Variants in DLD observed in about 807,000 individuals in gnomAD.
DLD encodes the protein dihydrolipoyl dehydrogenase, mitochondrial.
A neutral mutation model predicts 62.2 loss-of-function variants in DLD; 36 were observed. The ratio of observed to expected loss-of-function variants is 0.58; its 90% CI spans 0.44 to 0.76. DLD has a LOEUF of 0.76. Among genes scored for constraint, DLD ranks in the 30% least tolerant of loss-of-function variants. DLD has a pLI of 0.00. For missense variants in DLD, 541 were observed against 608.6 expected, an observed-to-expected ratio of 0.89 and a Z score of 1.17; for synonymous variants, 204 against 199.6, an observed-to-expected ratio of 1.02 and a Z score of -0.19.
chr7:107,905,554 CGTT>C, intron 7 of DLD, 50 bp downstream of exon 7: 2 of 1,567,778 alleles, frequency 1.3e-6, no homozygotes, highest in African/African-American at 1.4e-5. Context: ...TTTAGAAATA[CGTT>C]TTATAAGTTA....
chr7:107,907,658 T>C (rs946492267), intron 8 of DLD, among the ~76,000 whole-genome samples: 1 of 152,234 alleles, frequency 6.6e-6, no homozygotes. Flanking sequence ...CTTGGTTTTG[T>C]GATTTTTATT....
intron 1 of DLD, among the ~76,000 whole-genome samples, chr7:107,892,720 G>A (rs908872534): frequency 1.1e-4 from 16 of 152,128 alleles, no homozygotes; most frequent in African/African-American, 3.9e-4. Flanking sequence ...TAATTTTCTT[G>A]TATTTTTAGT....
At chr7:107,891,148 T>C (rs1357761326), upstream of DLD, 15 of 1,434,126 alleles carry the variant, frequency 1.0e-5, no homozygotes, top group African/African-American at 1.4e-5. Flanking sequence ...GGTGATGACG[T>C]AGGCTGCGCC....
upstream of DLD, chr7:107,891,145 A>T (rs1053058458): frequency 7.1e-7 from 1 of 1,414,342 alleles, no homozygotes; most frequent in African/African-American, 1.4e-5. Context: ...CCGGGTGATG[A>T]CGTAGGCTGC....
chr7:107,894,467 C>G (rs1348781627), intron 2 of DLD, among the ~76,000 whole-genome samples: 1 of 152,106 alleles, frequency 6.6e-6, no homozygotes, highest in African/African-American at 2.4e-5. Flanking sequence ...GTGATTTATT[C>G]TAGCTTTGAA....
At chr7:107,904,559 A>G in intron 5 of DLD, 1 of 387,310 alleles carries the variant, frequency 2.6e-6, no homozygotes, top group Non-Finnish European at 5.0e-6. Context: ...AAATTTTTAA[A>G]CGTGTATTTT....
At chr7:107,903,334 C>A (rs565744123) in intron 4 of DLD, 144 bp from the exon 5 acceptor site, 8 of 554,608 alleles carry the variant, frequency 1.4e-5, no homozygotes, top group Non-Finnish European at 2.0e-5. Flanking sequence ...GCTGAGATGG[C>A]GCCATTGCAC....
At chr7:107,905,558 T>C (rs2031986448) in intron 7 of DLD, 54 bp downstream of exon 7, 6 of 1,554,780 alleles carry the variant, frequency 3.9e-6, no homozygotes, top group Non-Finnish European at 5.3e-6. Flanking sequence ...GAAATACGTT[T>C]TATAAGTTAT....
At chr7:107,916,682 A>G in intron 9 of DLD, 112 bp from the exon 10 acceptor site, 1 of 1,219,826 alleles carries the variant, frequency 8.2e-7, no homozygotes, top group Non-Finnish European at 1.2e-6. Flanking sequence ...AAAACAAAAC[A>G]AAACAAAAAT....
At chr7:107,916,466 A>T (rs1037298353) in intron 9 of DLD, among the ~76,000 whole-genome samples, 1 of 152,146 alleles carries the variant, frequency 6.6e-6, no homozygotes, top group Non-Finnish European at 1.5e-5. Flanking sequence ...TGAAGTCAAG[A>T]GATCAAGACC....
intron 2 of DLD, among the ~76,000 whole-genome samples, chr7:107,898,871 G>A (rs1196743603): frequency 2.6e-5 from 4 of 152,016 alleles, no homozygotes; most frequent in African/African-American, 9.7e-5. Flanking sequence ...CACCACACCC[G>A]GCCCTGATTT....
Position 107,919,226 on chromosome 7 carries a change from T to A in DLD, c.1497T>A (p.Leu499=), listed in dbSNP as rs1241501853. 1 of 1,613,068 alleles carries A rather than the reference T, an allele frequency of 6.2e-7. No individual in the cohort carries two copies. The highest frequency in any genetic ancestry group is 8.5e-7 in the Non-Finnish European group (1 of 1,179,580). Residue 499 remains leucine, a synonymous_variant, in exon 14 of 14, where the codon CTT becomes CTA. Coordinates refer to ENST00000205402, the MANE Select transcript of DLD (RefSeq NM_000108.5). ...TLSEAFREAN[L]AASFGKSINF is the part of the protein sequence containing the mutation. Reference sequence around the variant, plus strand: ...CAGAAGCTTTTAGAGAAGCAAATCTTGCTGCGTCATTTGGCAAATCAATCA... The same window carrying A: ...CAGAAGCTTTTAGAGAAGCAAATCTAGCTGCGTCATTTGGCAAATCAATCA...
intron 8 of DLD, among the ~76,000 whole-genome samples, chr7:107,913,090 G>A (rs981593876): frequency 2.0e-5 from 3 of 152,018 alleles, no homozygotes; most frequent in African/African-American, 7.2e-5. Context: ...TACCTTTGTT[G>A]AAAATGAGTT....
At chr7:107,891,445 T>G in intron 1 of DLD, 156 bp downstream of exon 1, 1 of 820,928 alleles carries the variant, frequency 1.2e-6, no homozygotes, top group African/African-American at 1.7e-5. Context: ...AGCCCGGCCC[T>G]GGGCTCCGAG....
In DLD at chr7:107,900,048, A is replaced by T. The variant is rs1024211673; in HGVS notation, c.119-1690A>T. Among the ~76,000 whole-genome samples, 15 of 152,238 alleles carry T rather than the reference A, an allele frequency of 9.9e-5. No individual in the cohort carries two copies. The South Asian group carries it at 2.3e-3, about 23-fold the overall frequency. On this transcript the variant is annotated intron_variant, in intron 2 of 13. Coordinates refer to ENST00000205402, the MANE Select transcript of DLD (RefSeq NM_000108.5). ...ATCAGTGAACCAAGCAGGGTGGCTA[A>T]AAAGCACAGATGGATCAGTAAAAAT...
intron 2 of DLD, among the ~76,000 whole-genome samples, chr7:107,894,683 C>A (rs1010665398): frequency 8.5e-5 from 13 of 152,140 alleles, no homozygotes; most frequent in African/African-American, 2.9e-4. Flanking sequence ...TATTCAGTGC[C>A]TTCTATTTGC....
At chr7:107,894,123 A>G (rs528431256) in intron 2 of DLD, among the ~76,000 whole-genome samples, 5 of 152,296 alleles carry the variant, frequency 3.3e-5, no homozygotes, top group Admixed American at 2.6e-4. Flanking sequence ...AAGGATATGC[A>G]TTTTATTTTT....
chr7:107,915,915 C>T (rs578144674), intron 9 of DLD, among the ~76,000 whole-genome samples: 192 of 152,102 alleles, frequency 1.3e-3, no homozygotes, highest in African/African-American at 4.5e-3. Flanking sequence ...ATTGTTGTGC[C>T]TTCTTATAGT....
chr7:107,891,578 TC>T, intron 1 of DLD: 1 of 575,522 alleles, frequency 1.7e-6, no homozygotes. Context: ...CCGAGGGCCA[TC>T]CCGGTCACAC....
Sources: gnomAD v4.1 joint callset for allele counts (sites outside exome capture counted in the v4.1 genomes callset) on GRCh38, gnomAD v4.1.1 for gene constraint, MANE v1.5 for transcripts, NCBI Gene and HGNC (gene_info 2026-07-23, HGNC 2026-07-21) for gene names.